ARHGAP10: variants seen among roughly 807,000 people sequenced by gnomAD.
The protein encoded by ARHGAP10 is Rho GTPase activating protein 10, also known as rho GTPase-activating protein 10.
A neutral mutation model predicts 108.6 loss-of-function variants in ARHGAP10; 87 were observed. The observed-to-expected ratio is 0.80, with a 90% CI of 0.67 to 0.96. ARHGAP10 has a LOEUF of 0.96. ARHGAP10 is among the 40% of genes least tolerant of loss of function. ARHGAP10 has a pLI of 0.00. For synonymous variants in ARHGAP10, 347 were observed against 341.1 expected (o/e 1.02, Z -0.19); for missense variants, 939 against 954.5 (o/e 0.98, Z 0.21).
chr4:147,946,639 G>A lies in ARHGAP10; in HGVS notation c.1326G>A (p.Val442=). 3 of 1,612,096 alleles carry A rather than the reference G, an allele frequency of 1.9e-6. No homozygotes were observed. Among genetic ancestry groups the A allele is most frequent in the Non-Finnish European group, 2.5e-6 (3 of 1,179,276 alleles). Reference sequence around the variant, plus strand: ...TAGATGTAAAAACATGCAATGAGGTGGACCTGGAGAATTCTGCAGATTGGG... The same window carrying A: ...TAGATGTAAAAACATGCAATGAGGTAGACCTGGAGAATTCTGCAGATTGGG... ...MLMDVKTCNE[V]DLENSADWEV... Residue 442 remains valine, a synonymous_variant, in exon 15 of 23, where the codon GTG becomes GTA. Transcript: ENST00000336498.
intron 7 of ARHGAP10, among the ~76,000 whole-genome samples, chr4:147,872,659 G>T (rs1346355769): frequency 6.6e-6 from 1 of 152,168 alleles, no homozygotes; most frequent in Non-Finnish European, 1.5e-5. Context: ...TGTGTTCTAT[G>T]TATGATATAC....
At chr4:147,841,597 A>C (rs1450285704) in intron 3 of ARHGAP10, among the ~76,000 whole-genome samples, 1 of 152,182 alleles carries the variant, frequency 6.6e-6, no homozygotes, top group South Asian at 2.1e-4. Flanking sequence ...TATTTCTGTG[A>C]AATTATAGCA....
rs1033504844 is a variant in ARHGAP10, at chr4:147,732,109, G to T, written c.-193G>T. 1 of 388,952 alleles carries T rather than the reference G, an allele frequency of 2.6e-6. No individual in the cohort carries two copies. Among genetic ancestry groups the T allele is most frequent in the African/African-American group, 2.1e-5 (1 of 47,122 alleles). The allele number at this position is 388,952 out of a possible 1,614,324, so 24.1% of individuals were successfully genotyped here. A position where few individuals can be genotyped will look rare whatever the true frequency, so the allele number is the denominator to read the frequency against. Reference sequence around the variant, plus strand: ...GATTGGGGCGCCGCAGCTAGCGCTGGTCTCGGTGGCAGCTCCTCCGCGCCG... The same window carrying T: ...GATTGGGGCGCCGCAGCTAGCGCTGTTCTCGGTGGCAGCTCCTCCGCGCCG... On this transcript the variant is annotated 5_prime_UTR_variant, in exon 1 of 23. Transcript: ENST00000336498.
chr4:147,906,124 C>T (rs1035218083), intron 10 of ARHGAP10, among the ~76,000 whole-genome samples: 1 of 152,094 alleles, frequency 6.6e-6, no homozygotes, highest in Non-Finnish European at 1.5e-5. Flanking sequence ...TCTTAACGCT[C>T]CTCTGCCATT....
intron 18 of ARHGAP10, among the ~76,000 whole-genome samples, chr4:147,977,175 A>T (rs1398067658): frequency 3.3e-5 from 5 of 152,214 alleles, no homozygotes; most frequent in African/African-American, 1.2e-4. Flanking sequence ...ATAAAAAATG[A>T]TGATGAAGAA....
chr4:147,876,088 G>A (rs1000119415), intron 8 of ARHGAP10, among the ~76,000 whole-genome samples: 2 of 152,184 alleles, frequency 1.3e-5, no homozygotes, highest in African/African-American at 2.4e-5. Context: ...TCAGGGAACG[G>A]TTACAGGGTA....
chr4:147,753,977 TAAGA>T (rs746353366), intron 1 of ARHGAP10, among the ~76,000 whole-genome samples: 85 of 152,324 alleles, frequency 5.6e-4, no homozygotes, highest in Non-Finnish European at 1.1e-3. Context: ...CTACTCGTTC[TAAGA>T]AAGACCTAAC....
intron 10 of ARHGAP10, among the ~76,000 whole-genome samples, chr4:147,883,331 G>C (rs911247838): frequency 1.3e-5 from 2 of 152,196 alleles, no homozygotes; most frequent in East Asian, 3.8e-4. Flanking sequence ...CAAAGTCATA[G>C]GACTACAGGT....
intron 7 of ARHGAP10, among the ~76,000 whole-genome samples, chr4:147,869,309 G>A (rs556253454): frequency 7.2e-5 from 11 of 152,238 alleles, no homozygotes; most frequent in African/African-American, 2.6e-4. Flanking sequence ...CTCCTTGCAC[G>A]GCTCGTTTAT....
intron 4 of ARHGAP10, among the ~76,000 whole-genome samples, chr4:147,851,705 T>C (rs1733882438): frequency 6.6e-6 from 1 of 152,218 alleles, no homozygotes; most frequent in African/African-American, 2.4e-5. Context: ...TACAGCATAG[T>C]ATTAGAGGCC....
At chr4:147,971,503 G>A (rs1739404767) in intron 18 of ARHGAP10, among the ~76,000 whole-genome samples, 1 of 152,206 alleles carries the variant, frequency 6.6e-6, no homozygotes, top group South Asian at 2.1e-4. Context: ...TTCAGCTGCA[G>A]GGAATCTGGA....
chr4:147,964,927 T>A (rs1195419875), intron 16 of ARHGAP10, 97 bp from the exon 17 acceptor site: 1 of 807,968 alleles, frequency 1.2e-6, no homozygotes, highest in African/African-American at 1.8e-5. Flanking sequence ...GGAGCTGTTG[T>A]CATTGTCTTG....
At chr4:147,919,453 C>T (rs1375701555) in intron 13 of ARHGAP10, among the ~76,000 whole-genome samples, 1 of 152,224 alleles carries the variant, frequency 6.6e-6, no homozygotes, top group Non-Finnish European at 1.5e-5. Context: ...ATAATACATA[C>T]CGGCTCTACC....
chr4:147,964,837 C>T (rs1453574758), intron 16 of ARHGAP10, among the ~76,000 whole-genome samples, 187 bp from the exon 17 acceptor site: 1 of 152,124 alleles, frequency 6.6e-6, no homozygotes, highest in Non-Finnish European at 1.5e-5. Context: ...GAAGATTCAT[C>T]ATAAGGAGAA....
At chr4:147,836,898 T>A (rs1202480481) in intron 3 of ARHGAP10, among the ~76,000 whole-genome samples, 1 of 152,098 alleles carries the variant, frequency 6.6e-6, no homozygotes, top group Admixed American at 6.6e-5. Context: ...TAGTTGAGAA[T>A]ATTCAGGTAA....
intron 5 of ARHGAP10, chr4:147,861,401 G>T (rs1256239887): frequency 2.0e-5 from 3 of 151,218 alleles, no homozygotes; most frequent in Non-Finnish European, 3.0e-5. Context: ...CTAGGTCTGG[G>T]CTCCCCGAAG....
At chr4:147,933,377 C>T (rs927331111) in intron 13 of ARHGAP10, among the ~76,000 whole-genome samples, 4 of 152,274 alleles carry the variant, frequency 2.6e-5, no homozygotes, top group South Asian at 2.1e-4. Context: ...TACAGGCACT[C>T]GCCACTGTGC....
At chr4:147,879,743 G>C (rs936918887) in intron 9 of ARHGAP10, among the ~76,000 whole-genome samples, 23 of 150,386 alleles carry the variant, frequency 1.5e-4, no homozygotes, top group Non-Finnish European at 3.2e-4. Flanking sequence ...CCCTCCCTGT[G>C]TCCATGTGTT....
At chr4:147,733,686 ATGGTGCCTGG>A (rs1728314987) in intron 1 of ARHGAP10, among the ~76,000 whole-genome samples, 1 of 152,212 alleles carries the variant, frequency 6.6e-6, no homozygotes, top group Admixed American at 6.5e-5. Context: ...GGCACCCAGC[ATGGTGCCTGG>A]TACAGTAAAT....
Sources: gnomAD v4.1 joint callset for allele counts (sites outside exome capture counted in the v4.1 genomes callset) on GRCh38, gnomAD v4.1.1 for gene constraint, MANE v1.5 for transcripts, NCBI Gene and HGNC (gene_info 2026-07-23, HGNC 2026-07-21) for gene names.